HCRT: variants seen among roughly 807,000 people sequenced by gnomAD.
The protein encoded by HCRT is hypocretin neuropeptide precursor, also known as hypocretin (orexin) neuropeptide.
HCRT carries 5 observed loss-of-function variants against 5.7 expected under a neutral mutation model. The ratio of observed to expected loss-of-function variants is 0.87; its 90% CI spans 0.45 to 1.83. HCRT has a LOEUF of 1.83. HCRT is among the 40% of genes most tolerant of loss of function. The probability of loss-of-function intolerance (pLI) is 0.02; values close to 1 mark genes in which losing one functional copy is unlikely to be tolerated. For missense variants in HCRT, 207 were observed against 191.8 expected, an observed-to-expected ratio of 1.08 and a Z score of -0.47; for synonymous variants, 114 against 99.0, an observed-to-expected ratio of 1.15 and a Z score of -0.90.
In HCRT at chr17:42,184,187, G is replaced by A. The variant is rs2079921835; in HGVS notation, c.363C>T (p.Ala121=). ...CGGACTGTCCTCCGGGCGCGACGGA[G>A]GCGGCGGCCGGGGCGGAACAGCGGC... ...LGRRCSAPAA[A]SVAPGGQSGI The change falls in exon 2 of 2, where the codon GCC becomes GCT. Residue 121 remains alanine (A), a synonymous_variant. Coordinates refer to ENST00000293330, the MANE Select transcript of HCRT (RefSeq NM_001524.1). 1.6e-6 allele frequency: 2 copies of A among 1,282,602 alleles called. No individual in the cohort carries two copies. Among genetic ancestry groups the A allele is most frequent in the Admixed American group, 4.2e-5 (1 of 23,898 alleles). 79.5% of individuals were successfully genotyped at this position (1,282,602 alleles called of 1,614,324 possible).
At position 42,185,331 on chromosome 17, in the gene HCRT, C is replaced by A; in HGVS notation, c.21+14G>T. 6.2e-7 allele frequency: 1 copy of A among 1,613,646 alleles called. No homozygotes were observed. Among genetic ancestry groups the A allele is most frequent in the Non-Finnish European group, 8.5e-7 (1 of 1,179,552 alleles). On this transcript the variant is annotated intron_variant, in intron 1 of 1. Coordinates refer to ENST00000293330, the MANE Select transcript of HCRT (RefSeq NM_001524.1). Reference sequence around the variant, plus strand: ...CTGGGATGGTGAGTCACCCCTCCATCCCTGGATCTTTACCTTTGTGGAAGG... The same window carrying A: ...CTGGGATGGTGAGTCACCCCTCCATACCTGGATCTTTACCTTTGTGGAAGG...
rs2079921340 is a variant in HCRT at position 42,184,081 on chromosome 17, C to A, written c.*73G>T. ...CACGAATGGAGACTCGTCTTTATTGCCTTTTTTCTGGGGGCTGACGCTGGG... is the reference window on the plus strand; with the variant it reads ...CACGAATGGAGACTCGTCTTTATTGACTTTTTTCTGGGGGCTGACGCTGGG... On this transcript the variant is annotated 3_prime_UTR_variant, in exon 2 of 2. Transcript: ENST00000293330. 1 of 1,233,786 alleles carries A rather than the reference C, an allele frequency of 8.1e-7. No homozygotes were observed. The highest frequency in any genetic ancestry group is 1.0e-6 in the Non-Finnish European group (1 of 985,692). The allele number at this position is 1,233,786 out of a possible 1,614,324, so 76.4% of individuals were successfully genotyped here.
chr17:42,184,074 T>C lies in HCRT; in HGVS notation c.*80A>G. 1 of 1,226,286 alleles carries C rather than the reference T, an allele frequency of 8.2e-7. No homozygotes were observed. The highest frequency in any genetic ancestry group is 1.0e-6 in the Non-Finnish European group (1 of 981,346). The allele number at this position is 1,226,286 out of a possible 1,614,324, so 76.0% of individuals were successfully genotyped here. A position where few individuals can be genotyped will look rare whatever the true frequency, so the allele number is the denominator to read the frequency against. ...CCAGTCACACGAATGGAGACTCGTC[T>C]TTATTGCCTTTTTTCTGGGGGCTGA... On this transcript the variant is annotated 3_prime_UTR_variant, in exon 2 of 2. Transcript: ENST00000293330.
chr17:42,184,428 C>A lies in HCRT; in HGVS notation c.122G>T (p.Arg41Leu). 6.2e-7 allele frequency: 1 copy of A among 1,600,162 alleles called. No homozygotes were observed. Among genetic ancestry groups the A allele is most frequent in the Non-Finnish European group, 8.5e-7 (1 of 1,177,434 alleles). ...GAGGCGGCAAGAGCAAGTCTTTTGA[C>A]GACAGCAGTCGGGCAGGGGCTGTGC... ...AAAQPLPDCCRQKTCSCRLYE... is the reference protein window; with the variant it reads ...AAAQPLPDCCLQKTCSCRLYE... The change falls in exon 2 of 2, where the codon CGT (arginine) becomes CTT (leucine). Residue 41 changes from arginine to leucine, a missense_variant. Physicochemically the swap from Arg to Leu is moderately radical, Grantham distance 102. Coordinates refer to ENST00000293330, the MANE Select transcript of HCRT (RefSeq NM_001524.1).
chr17:42,184,320 T>G lies in HCRT; in HGVS notation c.230A>C (p.Gln77Pro). 6.5e-7 allele frequency: 1 copy of G among 1,547,280 alleles called. No individual in the cohort carries two copies. Among genetic ancestry groups the G allele is most frequent in the Non-Finnish European group, 8.7e-7 (1 of 1,152,430 alleles). Residue 77 changes from glutamine to proline, a missense_variant, in exon 2 of 2, where the codon CAG becomes CCG. Transcript: ENST00000293330. Reference sequence around the variant, plus strand: ...CTGCAGGAGGCGCTGCAGCCGACCCTGGAGGCCCGGGGGCCCGGACCTCCG... The same window carrying G: ...CTGCAGGAGGCGCTGCAGCCGACCCGGGAGGCCCGGGGGCCCGGACCTCCG... ...GKRRSGPPGL[Q>P]GRLQRLLQAS...
Position 42,184,125 on chromosome 17 carries a change from C to G in HCRT, c.*29G>C. The stretch of plus-strand genomic sequence containing the variant: ...CGCTGGGTGGGCAGAGGGCAGAGGC[C>G]TGGGCCAGGACAGGGCCCGAAGAAC... On this transcript the variant is annotated 3_prime_UTR_variant, in exon 2 of 2. Coordinates refer to ENST00000293330, the MANE Select transcript of HCRT (RefSeq NM_001524.1). 2 of 1,268,716 alleles carry G rather than the reference C, an allele frequency of 1.6e-6. No homozygotes were observed. The highest frequency in any genetic ancestry group is 2.0e-6 in the Non-Finnish European group (2 of 1,004,790). 78.6% of individuals were successfully genotyped at this position (1,268,716 alleles called of 1,614,324 possible).
chr17:42,185,279 C>T, intron 1 of HCRT, 66 bp downstream of exon 1: 1 of 1,510,236 alleles, frequency 6.6e-7, no homozygotes, highest in South Asian at 1.1e-5. Flanking sequence ...TCTTCCAGCC[C>T]TCTGAGCAAG....
chr17:42,184,095 G>A lies in HCRT; in HGVS notation c.*59C>T, dbSNP rs971902609. 3.2e-6 allele frequency: 4 copies of A among 1,242,330 alleles called. No homozygotes were observed. Among genetic ancestry groups the A allele is most frequent in the Admixed American group, 4.3e-5 (1 of 23,382 alleles). The allele number at this position is 1,242,330 out of a possible 1,614,324, so 77.0% of individuals were successfully genotyped here. A position where few individuals can be genotyped will look rare whatever the true frequency, so the allele number is the denominator to read the frequency against. On this transcript the variant is annotated 3_prime_UTR_variant, in exon 2 of 2. Transcript: ENST00000293330. ...CGTCTTTATTGCCTTTTTTCTGGGG[G>A]CTGACGCTGGGTGGGCAGAGGGCAG...
Position 42,184,599 on chromosome 17 carries a change from C to A in HCRT, c.22-71G>T, listed in dbSNP as rs575440035. On this transcript the variant is annotated intron_variant, in intron 1 of 1. Transcript: ENST00000293330. ...CCGCCACCAGCTCCCACGCCCAGGA[C>A]CTGCCCCTCTGGCTCCGCGCCCCCT... The A allele has an allele frequency of 5.5e-6, 8 of 1,449,640 alleles. No homozygotes were observed. The Admixed American group carries it at 2.1e-4, about 38-fold the overall frequency. The allele number at this position is 1,449,640 out of a possible 1,614,324, so 89.8% of individuals were successfully genotyped here. A position where few individuals can be genotyped will look rare whatever the true frequency, so the allele number is the denominator to read the frequency against.
In HCRT at chr17:42,185,434, C is replaced by G; in HGVS notation, c.-69G>C. On this transcript the variant is annotated 5_prime_UTR_variant, in exon 1 of 2. Coordinates refer to ENST00000293330, the MANE Select transcript of HCRT (RefSeq NM_001524.1). The stretch of plus-strand genomic sequence containing the variant: ...TGTGGTGGTTCAAAAAGCCAGGAAC[C>G]TTGAGGCTGTCAATTGTGACCCACT... 2 of 1,503,408 alleles carry G rather than the reference C, an allele frequency of 1.3e-6. No individual in the cohort carries two copies. Among genetic ancestry groups the G allele is most frequent in the Non-Finnish European group, 1.9e-6 (2 of 1,079,328 alleles). The allele number at this position is 1,503,408 out of a possible 1,614,324, so 93.1% of individuals were successfully genotyped here.
intron 1 of HCRT, 29 bp from the exon 2 acceptor site, chr17:42,184,557 G>A (rs1455840393): frequency 1.3e-6 from 2 of 1,494,660 alleles, no homozygotes; most frequent in Admixed American, 2.2e-5. Flanking sequence ...GGCGCTGGGG[G>A]GGTCTTCCCA....
At chr17:42,185,220 C>A in intron 1 of HCRT, 125 bp downstream of exon 1, 1 of 915,880 alleles carries the variant, frequency 1.1e-6, no homozygotes. Flanking sequence ...GTGCTCCTGC[C>A]TCAGAGCACA....
Position 42,184,223 on chromosome 17 carries a change from G to T in HCRT, c.327C>A (p.Pro109=). ...RRAGAEPAPR[P]CLGRRCSAPA... ...GGGCGGAACAGCGGCGCCCGAGGCA[G>T]GGGCGCGGCGCTGGCTCTGCGCCTG... The change falls in exon 2 of 2, where the codon CCC becomes CCA. Residue 109 remains proline, a synonymous_variant. Transcript: ENST00000293330. The T allele has an allele frequency of 7.6e-7, 1 of 1,317,266 alleles. No homozygotes were observed. 81.6% of individuals were successfully genotyped at this position (1,317,266 alleles called of 1,614,324 possible).
chr17:42,184,885 G>C (rs1598282691), intron 1 of HCRT, among the ~76,000 whole-genome samples: 1 of 152,174 alleles, frequency 6.6e-6, no homozygotes, highest in Non-Finnish European at 1.5e-5. Context: ...GAAAAACCCG[G>C]GCCCTACTGA....
intron 1 of HCRT, 49 bp downstream of exon 1, chr17:42,185,294 CTT>C (rs1278429916): frequency 1.3e-6 from 2 of 1,579,786 alleles, no homozygotes; most frequent in East Asian, 2.2e-5. Flanking sequence ...AGCAAGCACT[CTT>C]TTTGCTTCTC....
intron 1 of HCRT, among the ~76,000 whole-genome samples, chr17:42,185,087 C>T (rs2079926407): frequency 6.6e-6 from 1 of 152,228 alleles, no homozygotes; most frequent in African/African-American, 2.4e-5. Context: ...ATAATTTCTA[C>T]TCTGCAAGGC....
Position 42,184,261 on chromosome 17 carries a change from T to C in HCRT, c.289A>G (p.Met97Val), listed in dbSNP as rs1277187932. The change falls in exon 2 of 2, where the codon ATG (methionine) becomes GTG (valine). Residue 97 changes from methionine (M) to valine (V), a missense_variant. By Grantham distance (21) the Met-to-Val change is conservative (BLOSUM62 1). Transcript: ENST00000293330. ...GGCTCTGCGCCTGCGCGGCGGCCCA[T>C]GGTCAGGATGCCCGCGGCGTGGTTG... ...SGNHAAGILT[M>V]GRRAGAEPAP... 2.2e-6 allele frequency: 3 copies of C among 1,393,090 alleles called. No homozygotes were observed. Among genetic ancestry groups the C allele is most frequent in the Admixed American group, 3.4e-5 (1 of 29,570 alleles). 86.3% of individuals were successfully genotyped at this position (1,393,090 alleles called of 1,614,324 possible).
In HCRT at chr17:42,184,514, G is replaced by T. The variant is rs752326670; in HGVS notation, c.36C>A (p.Ala12=). ...NLPSTKVSWA[A]VTLLLLLLLL... Reference sequence around the variant, plus strand: ...GCAGCAGCAGCAGCAGTAGCGTCACGGCGGCCCAGGAGACCTAGGGAGACG... The same window carrying T: ...GCAGCAGCAGCAGCAGTAGCGTCACTGCGGCCCAGGAGACCTAGGGAGACG... The change falls in exon 2 of 2, where the codon GCC becomes GCA. Residue 12 remains alanine (A), a synonymous_variant. Transcript: ENST00000293330. 6.4e-7 allele frequency: 1 copy of T among 1,551,978 alleles called. No individual in the cohort carries two copies. Among genetic ancestry groups the T allele is most frequent in the Non-Finnish European group, 8.7e-7 (1 of 1,156,046 alleles).
Position 42,184,436 on chromosome 17 carries a change from G to C in HCRT, c.114C>G (p.Asp38Glu), listed in dbSNP as rs754232977. The change falls in exon 2 of 2, where the codon GAC becomes GAG. Residue 38 changes from aspartate to glutamate, a missense_variant. Asp to Glu is a conservative substitution (Grantham distance 45). Coordinates refer to ENST00000293330, the MANE Select transcript of HCRT (RefSeq NM_001524.1). ...SSGAAAQPLP[D>E]CCRQKTCSCR... The stretch of plus-strand genomic sequence containing the variant: ...AAGAGCAAGTCTTTTGACGACAGCA[G>C]TCGGGCAGGGGCTGTGCAGCCGCCC... 2 of 1,599,330 alleles carry C rather than the reference G, an allele frequency of 1.3e-6. No individual in the cohort carries two copies. Among genetic ancestry groups the C allele is most frequent in the Admixed American group, 3.4e-5 (2 of 59,476 alleles).
Sources: gnomAD v4.1 joint callset for allele counts (sites outside exome capture counted in the v4.1 genomes callset) on GRCh38, gnomAD v4.1.1 for gene constraint, MANE v1.5 for transcripts, NCBI Gene and HGNC (gene_info 2026-07-23, HGNC 2026-07-21) for gene names.